The following TRUB2 variants were observed in gnomAD, a reference collection of about 807,000 sequenced individuals.
TRUB2 encodes pseudouridylate synthase TRUB2, mitochondrial.
In TRUB2, 31 loss-of-function variants were observed where a neutral mutation model predicts 31.9. That is an observed-to-expected ratio of 0.97 (90% CI 0.73 to 1.31). The LOEUF (loss-of-function observed/expected upper bound fraction) is 1.31, where lower values mean the gene tolerates loss of function less well. Among genes scored for constraint, TRUB2 ranks in the 50% most tolerant of loss-of-function variants. TRUB2 has a pLI of 0.00. For synonymous variants in TRUB2, 201 were observed against 182.6 expected (o/e 1.10, Z -0.81); for missense variants, 451 against 439.6 (o/e 1.03, Z -0.23).
At chr9:128,317,034 G>C (rs747159297) in intron 3 of TRUB2, 118 bp downstream of exon 3, 1 of 869,138 alleles carries the variant, frequency 1.2e-6, no homozygotes, top group Non-Finnish European at 1.8e-6. Context: ...CAGGAATCAG[G>C]GCAGGAGAGG....
intron 2 of TRUB2, among the ~76,000 whole-genome samples, chr9:128,319,154 G>A (rs1447494407): frequency 1.3e-5 from 2 of 151,786 alleles, no homozygotes; most frequent in Admixed American, 6.6e-5. Flanking sequence ...GTGAAACCCC[G>A]TCTCTACTAA....
intron 2 of TRUB2, among the ~76,000 whole-genome samples, chr9:128,319,340 A>T (rs1832123703): frequency 6.6e-6 from 1 of 151,108 alleles, no homozygotes; most frequent in Admixed American, 6.6e-5. Context: ...AAAAAAAAAA[A>T]ATTAGCCAGG....
chr9:128,309,725 C>G lies in TRUB2; in HGVS notation c.821G>C (p.Trp274Ser), dbSNP rs539507942. 1.4e-5 allele frequency: 23 copies of G among 1,614,114 alleles called. No individual in the cohort carries two copies. The highest frequency in any genetic ancestry group is 1.7e-5 in the Admixed American group (1 of 60,004). ...AGCATCCTGGATGTTGGTTAGGTCC[C>G]ACTGGGTCCTCAGGAGGGCACTGTC... ...TLDSALLRTQ[W>S]DLTNIQDAIR... The change falls in exon 8 of 8, where the codon TGG becomes TCG. Residue 274 changes from tryptophan to serine, a missense_variant. Physicochemically the swap from Trp to Ser is radical, Grantham distance 177. Coordinates refer to ENST00000372890, the MANE Select transcript of TRUB2 (RefSeq NM_015679.3).
rs945368480 is a variant in TRUB2 at position 128,311,010 on chromosome 9, C to A, written c.547G>T (p.Asp183Tyr). 1 of 1,614,016 alleles carries A rather than the reference C, an allele frequency of 6.2e-7. No homozygotes were observed. Among genetic ancestry groups the A allele is most frequent in the Non-Finnish European group, 8.5e-7 (1 of 1,179,934 alleles). ...QKALVMYSNLDLKTQEAYEMA... is the reference protein window; with the variant it reads ...QKALVMYSNLYLKTQEAYEMA... ...TCATAGGCCTCCTGGGTCTTCAGGT[C>A]GAGGTTGGAGTACCTGCAGATCAGG... Residue 183 changes from aspartate (D) to tyrosine (Y), a missense_variant, in exon 7 of 8, where the codon GAC (aspartate) becomes TAC (tyrosine). Transcript: ENST00000372890.
In TRUB2 at chr9:128,315,602, G is replaced by C; in HGVS notation, c.343C>G (p.Leu115Val). 5 of 1,613,586 alleles carry C rather than the reference G, an allele frequency of 3.1e-6. No individual in the cohort carries two copies. The highest frequency in any genetic ancestry group is 4.2e-6 in the Non-Finnish European group (5 of 1,179,858). The change falls in exon 4 of 8, where the codon CTC becomes GTC. Residue 115 changes from leucine to valine, a missense_variant. Transcript: ENST00000372890. The part of the protein sequence containing the change: ...LVLGVGHGCR[L>V]LTDMYNAHLT... The stretch of plus-strand genomic sequence containing the variant: ...TGAGCATTGTACATATCGGTGAGGA[G>C]CCTGCATCCATGTCCCACGCCGAGC...
chr9:128,319,901 G>A (rs1190965186), intron 2 of TRUB2, among the ~76,000 whole-genome samples: 2 of 147,890 alleles, frequency 1.4e-5, no homozygotes, highest in Non-Finnish European at 3.0e-5. Context: ...TTACAGGCGT[G>A]AGCCACCACA....
chr9:128,321,120 C>T (rs1832164673), intron 2 of TRUB2, among the ~76,000 whole-genome samples: 1 of 152,252 alleles, frequency 6.6e-6, no homozygotes, highest in African/African-American at 2.4e-5. Context: ...AATGCCTATG[C>T]ATCACCTTGA....
rs1831916252 is a variant in TRUB2 at position 128,309,107 on chromosome 9, A to G, written c.*443T>C. On this transcript the variant is annotated 3_prime_UTR_variant, in exon 8 of 8. Transcript: ENST00000372890. ...GGTTAATGACACTGCAAATACTTAC[A>G]ATTTTTTTTAATTTTTAATTTTCGT... The G allele has an allele frequency of 6.1e-6, 1 of 165,180 alleles. No homozygotes were observed. The highest frequency in any genetic ancestry group is 5.6e-5 in the Admixed American group (1 of 17,892). The allele number at this position is 165,180 out of a possible 1,614,324, so 10.2% of individuals were successfully genotyped here. A position where few individuals can be genotyped will look rare whatever the true frequency, so the allele number is the denominator to read the frequency against.
rs1831896670 is a variant in TRUB2, at chr9:128,308,055, C to A, written c.*1495G>T. On this transcript the variant is annotated 3_prime_UTR_variant, in exon 8 of 8. Coordinates refer to ENST00000372890, the MANE Select transcript of TRUB2 (RefSeq NM_015679.3). ...GACCAGCCTGGCCAACATGGTGAAA[C>A]CCTGTCTCTACTAAAAATACAAAAA... 1 of 152,064 alleles carries A rather than the reference C, an allele frequency of 6.6e-6. No individual in the cohort carries two copies. The highest frequency in any genetic ancestry group is 6.6e-5 in the Admixed American group (1 of 15,234). The allele number at this position is 152,064 out of a possible 1,614,324, so 9.4% of individuals were successfully genotyped here. A position where few individuals can be genotyped will look rare whatever the true frequency, so the allele number is the denominator to read the frequency against.
At chr9:128,320,426 G>C (rs765391156) in intron 2 of TRUB2, among the ~76,000 whole-genome samples, 1 of 151,780 alleles carries the variant, frequency 6.6e-6, no homozygotes. Flanking sequence ...TCCGACTCCC[G>C]GGTTCAAGCA....
rs138580613 is a variant in TRUB2 at position 128,317,965 on chromosome 9, C to T, written c.242-739G>A. Among the ~76,000 whole-genome samples, 258 of 152,276 alleles carry T rather than the reference C, an allele frequency of 1.7e-3. 3 individuals are homozygous for T. The highest frequency in any genetic ancestry group is 0.015 in the Admixed American group (222 of 15,286). On this transcript the variant is annotated intron_variant, in intron 2 of 7. Transcript: ENST00000372890. ...GGTTTCTGGTCAAACCTCTAGATTCCCTGACACATGCCTTAATCACATCTA... is the reference window on the plus strand; with the variant it reads ...GGTTTCTGGTCAAACCTCTAGATTCTCTGACACATGCCTTAATCACATCTA...
chr9:128,312,256 G>T (rs918205824), intron 5 of TRUB2, among the ~76,000 whole-genome samples: 1 of 149,708 alleles, frequency 6.7e-6, no homozygotes, highest in African/African-American at 2.5e-5. Flanking sequence ...TCCTGCCTCA[G>T]CCTCCTGAAA....
chr9:128,315,237 C>T (rs1039199191), intron 4 of TRUB2, among the ~76,000 whole-genome samples: 11 of 152,294 alleles, frequency 7.2e-5, no homozygotes, highest in African/African-American at 2.6e-4. Flanking sequence ...CTAACAACTA[C>T]ATGACCTAGG....
Position 128,311,578 on chromosome 9 carries a change from C to T in TRUB2, c.484G>A (p.Asp162Asn), listed in dbSNP as rs1440566635. ...TYDHVTREKL[D>N]RILAVIQGSH... Reference sequence around the variant, plus strand: ...CCTTGGATAACGGCCAGAATGCGGTCCAGCTTCTCTCTGGTCACGTGGTCT... The same window carrying T: ...CCTTGGATAACGGCCAGAATGCGGTTCAGCTTCTCTCTGGTCACGTGGTCT... The change falls in exon 6 of 8, where the codon GAC (aspartate) becomes AAC (asparagine). Residue 162 changes from aspartate (D) to asparagine (N), a missense_variant. Coordinates refer to ENST00000372890, the MANE Select transcript of TRUB2 (RefSeq NM_015679.3). 6.2e-7 allele frequency: 1 copy of T among 1,614,064 alleles called. No individual in the cohort carries two copies. Among genetic ancestry groups the T allele is most frequent in the South Asian group, 1.1e-5 (1 of 91,074 alleles).
At chr9:128,318,759 C>G (rs1832110789) in intron 2 of TRUB2, among the ~76,000 whole-genome samples, 1 of 151,956 alleles carries the variant, frequency 6.6e-6, no homozygotes, top group African/African-American at 2.4e-5. Context: ...GTCTTGAACT[C>G]TTGACCTCAA....
intron 4 of TRUB2, among the ~76,000 whole-genome samples, chr9:128,314,695 T>A (rs1399127699): frequency 1.3e-5 from 2 of 152,120 alleles, no homozygotes; most frequent in African/African-American, 4.8e-5. Context: ...CCTCCCAAAG[T>A]GGCAGGAGCC....
Position 128,321,621 on chromosome 9 carries a change from G to A in TRUB2, c.219C>T (p.Pro73=). 6.2e-7 allele frequency: 1 copy of A among 1,614,054 alleles called. No individual in the cohort carries two copies. Among genetic ancestry groups the A allele is most frequent in the Admixed American group, 1.7e-5 (1 of 60,018 alleles). The stretch of plus-strand genomic sequence containing the variant: ...TACCCAGTGGATGGTTGATGAAAGA[G>A]GGTACGCTGGTGGCTGTGAGGGTCA... ...KELTLTATSV[P]SFINHPLVCG... is the part of the protein sequence containing the mutation. The change falls in exon 2 of 8, where the codon CCC becomes CCT. Residue 73 remains proline, a synonymous_variant. Transcript: ENST00000372890.
chr9:128,311,736 G>T, intron 5 of TRUB2, 135 bp from the exon 6 acceptor site: 1 of 859,456 alleles, frequency 1.2e-6, no homozygotes, highest in Non-Finnish European at 1.9e-6. Context: ...TGGCGGGGTG[G>T]TTGGGAGTCC....
intron 7 of TRUB2, 101 bp from the exon 8 acceptor site, chr9:128,309,976 C>A: frequency 7.7e-7 from 1 of 1,292,214 alleles, no homozygotes; most frequent in Non-Finnish European, 1.1e-6. Context: ...TGTGTAACAA[C>A]CTTAGCAAGA....
Sources: gnomAD v4.1 joint callset for allele counts (sites outside exome capture counted in the v4.1 genomes callset) on GRCh38, gnomAD v4.1.1 for gene constraint, MANE v1.5 for transcripts, NCBI Gene and HGNC (gene_info 2026-07-23, HGNC 2026-07-21) for gene names.